The following GRM8 variants were observed in gnomAD, a reference collection of about 807,000 sequenced individuals.
The protein encoded by GRM8 is metabotropic glutamate receptor 8.
Under a neutral mutation model 87.2 loss-of-function variants are expected in GRM8, and 47 were observed. The ratio of observed to expected loss-of-function variants is 0.54; its 90% confidence interval spans 0.43 to 0.69. The LOEUF (loss-of-function observed/expected upper bound fraction) is 0.69. GRM8 is among the 30% of genes least tolerant of loss of function. The probability of loss-of-function intolerance (pLI) is 0.00; values close to 1 mark genes in which losing one functional copy is unlikely to be tolerated. For synonymous variants in GRM8, 396 were observed against 404.5 expected (o/e 0.98, Z 0.25); for missense variants, 1,019 against 1,139.2 (o/e 0.89, Z 1.52).
intron 6 of GRM8, among the ~76,000 whole-genome samples, chr7:126,800,649 T>C (rs1029364062): frequency 2.6e-5 from 4 of 152,108 alleles, no homozygotes; most frequent in Non-Finnish European, 5.9e-5. Flanking sequence ...TTATGTGGTA[T>C]CCCAGCCAAT....
intron 8 of GRM8, among the ~76,000 whole-genome samples, chr7:126,587,091 G>A (rs1016353688): frequency 1.1e-4 from 16 of 152,134 alleles, no homozygotes; most frequent in African/African-American, 3.9e-4. Context: ...CATCATCACT[G>A]GTCATCAGAG....
intron 6 of GRM8, among the ~76,000 whole-genome samples, chr7:126,840,796 T>A (rs574290324): frequency 2.6e-5 from 4 of 152,358 alleles, no homozygotes; most frequent in African/African-American, 9.6e-5. Context: ...TCTTTCATTT[T>A]AACGGTAGAA....
intron 2 of GRM8, among the ~76,000 whole-genome samples, chr7:127,128,814 A>G (rs903192473): frequency 6.6e-6 from 1 of 152,146 alleles, no homozygotes; most frequent in Non-Finnish European, 1.5e-5. Context: ...GTTCCCTGTC[A>G]TATTCACTGC....
intron 3 of GRM8, among the ~76,000 whole-genome samples, chr7:126,918,091 T>C (rs1405577987): frequency 6.6e-6 from 1 of 152,178 alleles, no homozygotes; most frequent in Non-Finnish European, 1.5e-5. Flanking sequence ...ATGTGAGAAA[T>C]GCTATCATAT....
chr7:126,577,580 A>ATG (rs1795230570), intron 8 of GRM8, among the ~76,000 whole-genome samples: 1 of 152,062 alleles, frequency 6.6e-6, no homozygotes, highest in Admixed American at 6.6e-5. Flanking sequence ...AAAAAAGTAG[A>ATG]TGTGACATTT....
At chr7:126,763,476 C>T (rs12333895) in intron 7 of GRM8, among the ~76,000 whole-genome samples, 4,899 of 62,278 alleles carry the variant, frequency 0.079, 99 homozygotes, top group South Asian at 0.1. Flanking sequence ...TATATATACA[C>T]ACACACACAC....
At chr7:126,735,046 T>C (rs1480444626) in intron 7 of GRM8, among the ~76,000 whole-genome samples, 2 of 152,046 alleles carry the variant, frequency 1.3e-5, no homozygotes, top group East Asian at 1.9e-4. Context: ...AGATCTTCCA[T>C]AGGACTGTTA....
At chr7:127,213,098 A>G (rs904327484) in intron 2 of GRM8, among the ~76,000 whole-genome samples, 1 of 152,242 alleles carries the variant, frequency 6.6e-6, no homozygotes, top group Admixed American at 6.5e-5. Flanking sequence ...CCCAAAGCCC[A>G]GTGCTGTCTC....
chr7:127,135,569 G>GTAATTTTTTTC (rs1827902836), intron 2 of GRM8, among the ~76,000 whole-genome samples: 1 of 19,606 alleles, frequency 5.1e-5, no homozygotes, highest in Non-Finnish European at 1.1e-4. Flanking sequence ...GAATTAATGA[G>GTAATTTTTTTC]ATCGCGCCAC....
chr7:127,151,029 G>A (rs1828832545), intron 2 of GRM8, among the ~76,000 whole-genome samples: 1 of 152,050 alleles, frequency 6.6e-6, no homozygotes, highest in South Asian at 2.1e-4. Flanking sequence ...TACACATTGG[G>A]TTTTAGCAGA....
chr7:126,843,901 C>T (rs1796491480), intron 6 of GRM8, among the ~76,000 whole-genome samples: 1 of 152,166 alleles, frequency 6.6e-6, no homozygotes, highest in South Asian at 2.1e-4. Context: ...ACTGTGTTCT[C>T]ATCTATTATT....
chr7:126,449,792 T>G (rs1802415176), intron 9 of GRM8, among the ~76,000 whole-genome samples: 1 of 151,954 alleles, frequency 6.6e-6, no homozygotes, highest in East Asian at 2.0e-4. Context: ...ATGCTAGCAA[T>G]GATATTGGAT....
intron 6 of GRM8, among the ~76,000 whole-genome samples, chr7:126,871,915 A>G (rs1381814524): frequency 6.6e-6 from 1 of 152,226 alleles, no homozygotes; most frequent in Non-Finnish European, 1.5e-5. Context: ...GTGGTTGATC[A>G]TAAACTAAAA....
chr7:126,824,486 A>C (rs188842301), intron 6 of GRM8, among the ~76,000 whole-genome samples: 6 of 152,270 alleles, frequency 3.9e-5, no homozygotes, highest in African/African-American at 1.4e-4. Context: ...ATTCCTGTTG[A>C]CTGGGGGAAG....
rs1269679344 is a variant in GRM8 at position 126,685,284 on chromosome 7, T to C, written c.1358-75786A>G. Among the ~76,000 whole-genome samples, 1 of 152,010 alleles carries C rather than the reference T, an allele frequency of 6.6e-6. No individual in the cohort carries two copies. Among genetic ancestry groups the C allele is most frequent in the African/African-American group, 2.4e-5 (1 of 41,402 alleles). On this transcript the variant is annotated intron_variant, in intron 7 of 10. Coordinates refer to ENST00000339582, the MANE Select transcript of GRM8 (RefSeq NM_000845.3). The surrounding 1 kb of genome is among the most constrained non-coding windows in gnomAD (Gnocchi z 4.2). ...GCCTACAGGCAGGGGAACAATGTGG[T>C]TGGGCACAGAGGGGTGACCAGAGAG...
intron 8 of GRM8, among the ~76,000 whole-genome samples, chr7:126,601,529 C>A (rs963589195): frequency 6.6e-6 from 1 of 151,670 alleles, no homozygotes; most frequent in South Asian, 2.1e-4. Flanking sequence ...AATGGTTGAA[C>A]TAGTTTACAG....
intron 8 of GRM8, among the ~76,000 whole-genome samples, chr7:126,577,763 T>C (rs961245793): frequency 6.6e-6 from 1 of 152,190 alleles, no homozygotes; most frequent in African/African-American, 2.4e-5. Flanking sequence ...AGCCTTTTTG[T>C]ACCCTCTTGA....
intron 8 of GRM8, among the ~76,000 whole-genome samples, chr7:126,585,630 G>C (rs1796034460): frequency 6.6e-6 from 1 of 152,020 alleles, no homozygotes; most frequent in African/African-American, 2.4e-5. Context: ...AAATTCAACA[G>C]CCCTTCATGC....
intron 8 of GRM8, among the ~76,000 whole-genome samples, chr7:126,555,457 C>T (rs1793036884): frequency 6.6e-6 from 1 of 152,168 alleles, no homozygotes; most frequent in Admixed American, 6.5e-5. Context: ...CCTGTCTTGT[C>T]ACACAGAAAT....
Sources: allele counts gnomAD v4.1 joint callset (sites outside exome capture counted in the v4.1 genomes callset), GRCh38; gene constraint gnomAD v4.1.1; non-coding constraint Gnocchi (gnomAD v3.1); transcripts MANE v1.5; gene names NCBI Gene and HGNC (gene_info 2026-07-23, HGNC 2026-07-21).